Variants in MMP26 observed in about 807,000 individuals in gnomAD.
MMP26 encodes the protein matrix metallopeptidase 26.
MMP26 carries 33 observed loss-of-function variants against 31.0 expected under a neutral mutation model. That is an observed-to-expected ratio of 1.06 (90% CI 0.81 to 1.42). The LOEUF is 1.42. Ranked by LOEUF, MMP26 falls within the 40% of genes most tolerant of loss-of-function variation. MMP26 has a pLI of 0.00. For synonymous variants in MMP26, 122 were observed against 114.9 expected, an observed-to-expected ratio of 1.06 and a Z score of -0.40; for missense variants, 347 against 316.1, an observed-to-expected ratio of 1.10 and a Z score of -0.74.
chr11:4,867,147 A>G (rs1421659988), intron 2 of MMP26, among the ~76,000 whole-genome samples: 1 of 152,154 alleles, frequency 6.6e-6, no homozygotes, highest in Non-Finnish European at 1.5e-5. Context: ...AAAATAGACA[A>G]CATACAGAAA....
chr11:4,866,580 C>G (rs758841198), intron 2 of MMP26, among the ~76,000 whole-genome samples: 3 of 152,070 alleles, frequency 2.0e-5, no homozygotes, highest in Admixed American at 6.6e-5. Flanking sequence ...TTATAAAAAA[C>G]TATTTTAAAA....
chr11:4,790,761 T>C (rs1279956938), intron 2 of MMP26, among the ~76,000 whole-genome samples: 1 of 152,180 alleles, frequency 6.6e-6, no homozygotes, highest in Non-Finnish European at 1.5e-5. Flanking sequence ...TTAATGGCTC[T>C]CCATGAGTAG....
chr11:4,925,860 A>AT (rs1480223516), intron 2 of MMP26, among the ~76,000 whole-genome samples: 1 of 151,942 alleles, frequency 6.6e-6, no homozygotes, highest in Middle Eastern at 3.2e-3. Flanking sequence ...GTCACTGTTA[A>AT]TTTTTCAGAG....
At chr11:4,862,028 C>G (rs184154171) in intron 2 of MMP26, among the ~76,000 whole-genome samples, 287 of 152,180 alleles carry the variant, frequency 1.9e-3, no homozygotes, top group African/African-American at 6.7e-3. Flanking sequence ...GTTCCTGGGT[C>G]CCAGTGAGAT....
chr11:4,858,536 A>G (rs995640974), intron 2 of MMP26, among the ~76,000 whole-genome samples: 1 of 152,194 alleles, frequency 6.6e-6, no homozygotes, highest in Non-Finnish European at 1.5e-5. Context: ...GACCTCTTCA[A>G]GGAGAACTAC....
intron 1 of MMP26, among the ~76,000 whole-genome samples, chr11:4,717,106 A>G (rs61883464): frequency 0.36 from 55,499 of 152,110 alleles, 12,505 homozygotes; most frequent in Non-Finnish European, 0.48. Flanking sequence ...CTGCTCGACA[A>G]TTCTTTACTT....
At position 4,988,184 on chromosome 11, in the gene MMP26, C is replaced by T. The variant is rs1241398001; in HGVS notation, c.-28C>T. The T allele has an allele frequency of 6.2e-7, 1 of 1,601,026 alleles. No individual in the cohort carries two copies. Among genetic ancestry groups the T allele is most frequent in the Admixed American group, 1.7e-5 (1 of 59,996 alleles). On this transcript the variant is annotated 5_prime_UTR_variant, in exon 3 of 8. Transcript: ENST00000380390. ...GTGGCCCAAGTTGTGTACCTGAATTCAAGCAGTGGGACAAATGAGGGTTTG... is the reference window on the plus strand; with the variant it reads ...GTGGCCCAAGTTGTGTACCTGAATTTAAGCAGTGGGACAAATGAGGGTTTG...
At chr11:4,733,212 C>T (rs1164862975) in intron 1 of MMP26, among the ~76,000 whole-genome samples, 1 of 152,144 alleles carries the variant, frequency 6.6e-6, no homozygotes, top group Non-Finnish European at 1.5e-5. Flanking sequence ...ATTTTGATGT[C>T]GATTACATTA....
chr11:4,804,790 C>CAAAAAA (rs200468651), intron 2 of MMP26, among the ~76,000 whole-genome samples: 45 of 116,620 alleles, frequency 3.9e-4, no homozygotes, highest in African/African-American at 1.2e-3. Context: ...ATTAAAAATA[C>CAAAAAA]AAAAACAAAA....
intron 1 of MMP26, among the ~76,000 whole-genome samples, chr11:4,742,266 G>A (rs146017507): frequency 1.3e-5 from 2 of 152,244 alleles, no homozygotes; most frequent in South Asian, 2.1e-4. Flanking sequence ...GTTGACTAGA[G>A]GACAAAGACA....
In MMP26 at chr11:4,796,649, G is replaced by A. The variant is rs756814156; in HGVS notation, c.-145+29308G>A. On this transcript the variant is annotated intron_variant, in intron 2 of 7. Coordinates refer to ENST00000380390, the MANE Select transcript of MMP26 (RefSeq NM_021801.5). ...TAGACAGGTCTGATAGGTGATTACT[G>A]TTTTACTCTGAGAAGAGAGGAAATA... Among the ~76,000 whole-genome samples the A allele has an allele frequency of 6.4e-4, 98 of 152,140 alleles. 1 individual carries two copies. The highest frequency in any genetic ancestry group is 1.2e-4 in the Non-Finnish European group (8 of 68,016).
chr11:4,759,917 G>A (rs993099401), intron 1 of MMP26, among the ~76,000 whole-genome samples: 5 of 152,124 alleles, frequency 3.3e-5, no homozygotes, highest in African/African-American at 7.2e-5. Flanking sequence ...CTACCCAGTC[G>A]GCCTCTCGCT....
chr11:4,908,380 A>G (rs1293497108), intron 2 of MMP26: 3 of 1,271,756 alleles, frequency 2.4e-6, no homozygotes, highest in East Asian at 2.3e-5. Flanking sequence ...GCTTAATGCC[A>G]TAGAAGTCAC....
chr11:4,766,374 A>G (rs1321202077), intron 1 of MMP26, among the ~76,000 whole-genome samples: 1 of 152,214 alleles, frequency 6.6e-6, no homozygotes, highest in East Asian at 1.9e-4. Context: ...GGACTTTTGC[A>G]TAATCAGTGT....
chr11:4,872,891 G>T (rs1850330080), intron 2 of MMP26, among the ~76,000 whole-genome samples: 1 of 152,016 alleles, frequency 6.6e-6, no homozygotes, highest in Non-Finnish European at 1.5e-5. Context: ...ACAGAATTAA[G>T]CTAGCCAGTT....
At chr11:4,778,749 A>G (rs1208574831) in intron 2 of MMP26, among the ~76,000 whole-genome samples, 1 of 152,096 alleles carries the variant, frequency 6.6e-6, no homozygotes, top group Non-Finnish European at 1.5e-5. Context: ...AACATGATAA[A>G]TATGTGTATG....
At chr11:4,908,542 T>G in intron 2 of MMP26, 22 of 520,556 alleles carry the variant, frequency 4.2e-5, no homozygotes, top group Middle Eastern at 1.1e-3. Flanking sequence ...TGAAGGAAAA[T>G]ACTTCTGTGA....
intron 2 of MMP26, among the ~76,000 whole-genome samples, chr11:4,961,795 A>C (rs1405846336): frequency 6.6e-6 from 1 of 152,196 alleles, no homozygotes; most frequent in Admixed American, 6.5e-5. Flanking sequence ...TGGGACTTCA[A>C]CTTTCTGAAT....
At chr11:4,933,390 C>T (rs1171513828) in intron 2 of MMP26, among the ~76,000 whole-genome samples, 1 of 151,962 alleles carries the variant, frequency 6.6e-6, no homozygotes, top group Non-Finnish European at 1.5e-5. Context: ...GTTTAAGGTC[C>T]TATAAACACA....
Sources: gnomAD v4.1 joint callset for allele counts (sites outside exome capture counted in the v4.1 genomes callset) on GRCh38, gnomAD v4.1.1 for gene constraint, MANE v1.5 for transcripts, NCBI Gene and HGNC (gene_info 2026-07-23, HGNC 2026-07-21) for gene names.